The following KMT2A variants were observed in gnomAD, a reference collection of about 807,000 sequenced individuals.
The protein encoded by KMT2A is lysine methyltransferase 2A, also known as histone-lysine N-methyltransferase 2A.
KMT2A carries 16 observed loss-of-function variants against 345.3 expected under a neutral mutation model. The observed-to-expected ratio is 0.05, with a 90% CI of 0.03 to 0.07. The LOEUF (loss-of-function observed/expected upper bound fraction) is 0.07. Among genes scored for constraint, KMT2A ranks in the 10% least tolerant of loss-of-function variants. KMT2A has a pLI of 1.00. For synonymous variants in KMT2A, 1,599 were observed against 1,778.6 expected (o/e 0.90, Z 2.54); for missense variants, 3,272 against 4,841.6 (o/e 0.68, Z 9.62).
intron 1 of KMT2A, among the ~76,000 whole-genome samples, chr11:118,446,938 C>G (rs1466928263): frequency 1.3e-5 from 2 of 152,250 alleles, no homozygotes; most frequent in African/African-American, 4.8e-5. Context: ...CCACATTGGA[C>G]TACTGAACTA....
At chr11:118,451,585 C>T (rs1283109640) in intron 1 of KMT2A, among the ~76,000 whole-genome samples, 1 of 151,884 alleles carries the variant, frequency 6.6e-6, no homozygotes, top group East Asian at 1.9e-4. Flanking sequence ...GACGGGGTTT[C>T]ACCATGTTAG....
chr11:118,443,497 G>A (rs988871044), intron 1 of KMT2A, among the ~76,000 whole-genome samples: 14 of 152,310 alleles, frequency 9.2e-5, no homozygotes, highest in Non-Finnish European at 1.8e-4. Context: ...TTTGAAAGAA[G>A]AATTTTGTTA....
At chr11:118,486,652 C>T (rs186196683) in intron 10 of KMT2A, among the ~76,000 whole-genome samples, 65 of 151,966 alleles carry the variant, frequency 4.3e-4, no homozygotes, top group African/African-American at 1.4e-3. Flanking sequence ...GCAGGAGGAC[C>T]GCTTGAGCTC....
chr11:118,464,968 T>TCCTGCTCCATCATGGCAATGTC, intron 1 of KMT2A, among the ~76,000 whole-genome samples: 1 of 152,140 alleles, frequency 6.6e-6, no homozygotes, highest in Non-Finnish European at 1.5e-5. Context: ...TTCACCAGAG[T>TCCTGCTCCATCATGGCAATGTC]CCTGCTCCAT....
chr11:118,502,425 T>C lies in KMT2A; in HGVS notation c.6533T>C (p.Ile2178Thr). The C allele has an allele frequency of 6.2e-7, 1 of 1,605,620 alleles. No homozygotes were observed. The highest frequency in any genetic ancestry group is 8.5e-7 in the Non-Finnish European group (1 of 1,175,292). ...AGTCCTACCCCAACCACTCATGAAA[T>C]AGTCACAGTAGGTGATCCTTTACTC... ...AGSPTPTTHEIVTVGDPLLSS... is the reference protein window; with the variant it reads ...AGSPTPTTHETVTVGDPLLSS... The change falls in exon 27 of 36, where the codon ATA becomes ACA. Residue 2178 changes from isoleucine to threonine, a missense_variant. Physicochemically the swap from Ile to Thr is moderately conservative, Grantham distance 89 (BLOSUM62 -1). Transcript: ENST00000534358. The surrounding 1 kb of genome is among the most constrained non-coding windows in gnomAD (Gnocchi z 4.9).
In KMT2A at chr11:118,495,168, T is replaced by A. The variant is rs140633990; in HGVS notation, c.5363+401T>A. Among the ~76,000 whole-genome samples the A allele has an allele frequency of 0.026, 3,920 of 150,868 alleles. 78 individuals are homozygous for A. The highest frequency in any genetic ancestry group is 0.08 in the Middle Eastern group (23 of 288). On this transcript the variant is annotated intron_variant, in intron 18 of 35. Coordinates refer to ENST00000534358, the MANE Select transcript of KMT2A (RefSeq NM_001197104.2). This position sits in a 1 kb window ranked among gnomAD's most constrained non-coding sequence, Gnocchi z 4.1. ...TTTGATTTTATTTATTTATTTATTTTTTTTTTTTTGAGACGGAGTCTCGTT... is the reference window on the plus strand; with the variant it reads ...TTTGATTTTATTTATTTATTTATTTATTTTTTTTTGAGACGGAGTCTCGTT...
At chr11:118,460,122 C>G (rs1335168313) in intron 1 of KMT2A, among the ~76,000 whole-genome samples, 3 of 152,126 alleles carry the variant, frequency 2.0e-5, no homozygotes, top group African/African-American at 7.2e-5. Context: ...TGTGTCACAT[C>G]TAGTTACTAT....
Position 118,476,708 on chromosome 11 carries a change from T to C in KMT2A, c.3157-97T>C, listed in dbSNP as rs78761045. Reference sequence around the variant, plus strand: ...TAATTAGAGTTGTGTGTTTTGATTCTAAATCATACTGAAATTGATTAAGTA... The same window carrying C: ...TAATTAGAGTTGTGTGTTTTGATTCCAAATCATACTGAAATTGATTAAGTA... On this transcript the variant is annotated intron_variant, in intron 3 of 35. Transcript: ENST00000534358. This position sits in a 1 kb window ranked among gnomAD's most constrained non-coding sequence, Gnocchi z 4.1. 1,916 of 967,844 alleles carry C rather than the reference T, an allele frequency of 2.0e-3. 29 individuals carry two copies. In the East Asian group the frequency reaches 0.03, roughly 15 times the overall value. The allele number at this position is 967,844 out of a possible 1,614,324, so 60.0% of individuals were successfully genotyped here.
chr11:118,517,789 A>G (rs1218680958), intron 31 of KMT2A, among the ~76,000 whole-genome samples: 1 of 152,140 alleles, frequency 6.6e-6, no homozygotes, highest in Admixed American at 6.5e-5. Flanking sequence ...ACAGTGAGCT[A>G]TGATCATGCT....
chr11:118,488,107 G>A (rs1295316867), intron 10 of KMT2A, among the ~76,000 whole-genome samples: 2 of 152,182 alleles, frequency 1.3e-5, no homozygotes, highest in Non-Finnish European at 2.9e-5. Flanking sequence ...TTGAACCCAG[G>A]AGGCGGAGGT....
chr11:118,450,705 A>G (rs1400310975), intron 1 of KMT2A: 3 of 152,184 alleles, frequency 2.0e-5, no homozygotes, highest in African/African-American at 4.8e-5. Context: ...ATCTCTTCCT[A>G]TCTGTTATGC....
Position 118,501,610 on chromosome 11 carries a change from G to A in KMT2A, c.6320-62G>A, listed in dbSNP as rs568621945. The A allele has an allele frequency of 1.1e-4, 150 of 1,408,678 alleles. 4 individuals carry two copies. The South Asian group carries it at 1.9e-3, about 18-fold the overall frequency. The allele number at this position is 1,408,678 out of a possible 1,614,324, so 87.3% of individuals were successfully genotyped here. A position where few individuals can be genotyped will look rare whatever the true frequency, so the allele number is the denominator to read the frequency against. ...TTACCTGATAGCTGACTTTTTATTG[G>A]TTAATTTGTTTGATATTTTAATTGG... On this transcript the variant is annotated intron_variant, in intron 25 of 35. Coordinates refer to ENST00000534358, the MANE Select transcript of KMT2A (RefSeq NM_001197104.2).
At position 118,473,659 on chromosome 11, in the gene KMT2A, C is replaced by G. The variant is rs1555036596; in HGVS notation, c.2500C>G (p.Pro834Ala). 6.2e-7 allele frequency: 1 copy of G among 1,614,102 alleles called. No homozygotes were observed. The highest frequency in any genetic ancestry group is 1.1e-5 in the South Asian group (1 of 91,084). Residue 834 changes from proline (P) to alanine (A), a missense_variant, in exon 3 of 36, where the codon CCT becomes GCT. By Grantham distance (27) the Pro-to-Ala change is conservative. This residue lies in a region of KMT2A where 209 missense variants were observed against 237.4 expected (regional missense o/e 0.88). Transcript: ENST00000534358. The surrounding 1 kb of genome is among the most constrained non-coding windows in gnomAD (Gnocchi z 5.2). ...AEPFSSSSPT[P>A]LFPWFTPGSQ... ...GCCATTTTCATCAAGTAGTCCTACT[C>G]CTCTCTTCCCTTGGTTTACCCCAGG...
At chr11:118,478,328 CAGTTAG>C in intron 5 of KMT2A, 127 bp downstream of exon 5, 1 of 702,154 alleles carries the variant, frequency 1.4e-6, no homozygotes, top group Non-Finnish European at 2.4e-6. Flanking sequence ...AGACTTGTTA[CAGTTAG>C]ATTTTGTGGT....
At chr11:118,477,047 G>T in intron 4 of KMT2A, 65 bp downstream of exon 4, 2 of 1,525,774 alleles carry the variant, frequency 1.3e-6, no homozygotes, top group South Asian at 2.3e-5. Flanking sequence ...ATTATTCTGG[G>T]GATGCCCAGT....
intron 1 of KMT2A, chr11:118,449,585 CAAAAAAAAAAAAA>C (rs532991008): frequency 1.5e-5 from 1 of 67,660 alleles, no homozygotes; most frequent in African/African-American, 5.5e-5. Context: ...GACTCCATCT[CAAAAAAAAAAAAA>C]AAAAAGAGAA....
At chr11:118,477,841 T>C in intron 4 of KMT2A, 126 bp from the exon 5 acceptor site, 2 of 680,314 alleles carry the variant, frequency 2.9e-6, no homozygotes, top group Non-Finnish European at 4.9e-6. Flanking sequence ...TAAATAATTA[T>C]TTAAAATAGA....
rs1950462824 is a variant in KMT2A at position 118,499,403 on chromosome 11, A to G, written c.6062A>G (p.Asn2021Ser). 6.3e-7 allele frequency: 1 copy of G among 1,594,546 alleles called. No individual in the cohort carries two copies. The highest frequency in any genetic ancestry group is 1.4e-5 in the African/African-American group (1 of 69,366). The change falls in exon 23 of 36, where the codon AAT (asparagine) becomes AGT (serine). Residue 2021 changes from asparagine to serine, a missense_variant. Around this residue, in one of 27 missense-constraint regions of KMT2A, gnomAD observed 235 missense variants for 503.4 expected, o/e 0.47. Coordinates refer to ENST00000534358, the MANE Select transcript of KMT2A (RefSeq NM_001197104.2). ...RKFLNGLEPE[N>S]IHMMIGSMTI... ...TTTCTCAATGGCTTGGAACCAGAAA[A>G]TATCCACATGATGATTGGTATGACC...
chr11:118,437,427 G>A (rs1591333285), intron 1 of KMT2A, among the ~76,000 whole-genome samples: 1 of 151,936 alleles, frequency 6.6e-6, no homozygotes, highest in East Asian at 1.9e-4. Context: ...CCTGGCCCTT[G>A]GGGATCGTGT....
Sources: allele counts gnomAD v4.1 joint callset (sites outside exome capture counted in the v4.1 genomes callset), GRCh38; gene constraint gnomAD v4.1.1; regional missense constraint gnomAD v4.1.1; non-coding constraint Gnocchi (gnomAD v3.1); transcripts MANE v1.5; gene names NCBI Gene and HGNC (gene_info 2026-07-23, HGNC 2026-07-21).